MYRIP: variants seen among roughly 807,000 people sequenced by gnomAD.
MYRIP encodes myosin VIIA and Rab interacting protein, also known as rab effector MyRIP.
In MYRIP, 49 loss-of-function variants were observed where a neutral mutation model predicts 98.0. That is an observed-to-expected ratio of 0.50 (90% CI 0.40 to 0.63). MYRIP has a LOEUF of 0.63. Among genes scored for constraint, MYRIP ranks in the 30% least tolerant of loss-of-function variants. MYRIP has a pLI of 0.00. For synonymous variants in MYRIP, 404 were observed against 409.5 expected, an observed-to-expected ratio of 0.99 and a Z score of 0.16; for missense variants, 1,004 against 1,058.2, an observed-to-expected ratio of 0.95 and a Z score of 0.71.
intron 1 of MYRIP, among the ~76,000 whole-genome samples, chr3:39,845,967 C>T (rs975847141): frequency 1.3e-5 from 2 of 152,040 alleles, no homozygotes; most frequent in African/African-American, 4.8e-5. Flanking sequence ...ATGAGATGAC[C>T]TTCCTGCAGT....
At chr3:40,104,724 T>C (rs1195867250) in intron 3 of MYRIP, among the ~76,000 whole-genome samples, 1 of 152,206 alleles carries the variant, frequency 6.6e-6, no homozygotes, top group Non-Finnish European at 1.5e-5. Flanking sequence ...CATACATAAT[T>C]CTGTCACTGA....
intron 1 of MYRIP, among the ~76,000 whole-genome samples, chr3:39,889,513 A>C (rs999760961): frequency 6.6e-6 from 1 of 151,394 alleles, no homozygotes; most frequent in Admixed American, 6.6e-5. Flanking sequence ...GGAACATCAC[A>C]CTCTGGGGAC....
intron 2 of MYRIP, among the ~76,000 whole-genome samples, chr3:40,032,053 C>T (rs1691340154): frequency 6.6e-6 from 1 of 152,004 alleles, no homozygotes; most frequent in Admixed American, 6.6e-5. Context: ...TTTGCTCTTG[C>T]TTTTCTAGTT....
At chr3:39,989,161 A>G (rs892860958) in intron 2 of MYRIP, among the ~76,000 whole-genome samples, 1 of 151,902 alleles carries the variant, frequency 6.6e-6, no homozygotes, top group African/African-American at 2.4e-5. Context: ...TTTGTCTAAT[A>G]TTGATCTTTG....
chr3:40,031,362 C>A (rs1204648521), intron 2 of MYRIP, among the ~76,000 whole-genome samples: 2 of 152,112 alleles, frequency 1.3e-5, no homozygotes, highest in African/African-American at 4.8e-5. Context: ...CAGACCACAG[C>A]AGGGTAAAAG....
chr3:39,944,566 G>A (rs1944858173), intron 2 of MYRIP, among the ~76,000 whole-genome samples: 4 of 152,112 alleles, frequency 2.6e-5, no homozygotes, highest in African/African-American at 9.6e-5. Flanking sequence ...AAAGCACAGA[G>A]CTTTGATATG....
At chr3:39,884,613 C>T (rs1227874322) in intron 1 of MYRIP, among the ~76,000 whole-genome samples, 2 of 152,056 alleles carry the variant, frequency 1.3e-5, no homozygotes, top group East Asian at 3.9e-4. Flanking sequence ...ATAATAGAAA[C>T]ATATATTTTG....
chr3:40,142,809 C>G (rs553767248), intron 3 of MYRIP, among the ~76,000 whole-genome samples: 5 of 152,312 alleles, frequency 3.3e-5, no homozygotes, highest in African/African-American at 9.6e-5. Context: ...ATGGACAGCT[C>G]TGGACAGTTC....
intron 2 of MYRIP, among the ~76,000 whole-genome samples, chr3:39,943,250 T>C (rs905754852): frequency 1.3e-5 from 2 of 152,178 alleles, no homozygotes; most frequent in Admixed American, 1.3e-4. Flanking sequence ...AACACTCTCT[T>C]TTCTGTATTT....
chr3:39,899,851 C>T (rs1323920620), intron 1 of MYRIP, among the ~76,000 whole-genome samples: 8 of 152,154 alleles, frequency 5.3e-5, no homozygotes, highest in East Asian at 3.8e-4. Context: ...GATGGAGTCT[C>T]GCTTTGTCAC....
chr3:39,991,117 C>T (rs1030924720), intron 2 of MYRIP, among the ~76,000 whole-genome samples: 2 of 152,140 alleles, frequency 1.3e-5, no homozygotes, highest in African/African-American at 2.4e-5. Context: ...ACTGCACATT[C>T]TGTATGTGTA....
At chr3:40,137,391 A>C (rs1281821213) in intron 3 of MYRIP, among the ~76,000 whole-genome samples, 1 of 152,250 alleles carries the variant, frequency 6.6e-6, no homozygotes, top group Admixed American at 6.5e-5. Flanking sequence ...GGCAATCATC[A>C]ATAGCTTACC....
At chr3:39,985,930 A>G (rs189190053) in intron 2 of MYRIP, among the ~76,000 whole-genome samples, 8 of 151,926 alleles carry the variant, frequency 5.3e-5, no homozygotes, top group Admixed American at 3.3e-4. Context: ...ACCAAAAGCA[A>G]TGGCAACAAA....
At chr3:40,162,869 G>A (rs772138718) in intron 5 of MYRIP, 59 bp downstream of exon 5, 29 of 1,477,836 alleles carry the variant, frequency 2.0e-5, no homozygotes, top group Non-Finnish European at 2.7e-5. Flanking sequence ...AACACCTACA[G>A]GTACAGGTAC....
chr3:40,121,038 G>T (rs372952759), intron 3 of MYRIP, among the ~76,000 whole-genome samples: 1 of 152,246 alleles, frequency 6.6e-6, no homozygotes, highest in Admixed American at 6.5e-5. Context: ...GAGCCATGGA[G>T]ACCAGCTGAG....
At chr3:39,999,860 G>C (rs1049527692) in intron 2 of MYRIP, among the ~76,000 whole-genome samples, 3 of 152,018 alleles carry the variant, frequency 2.0e-5, no homozygotes, top group African/African-American at 7.2e-5. Flanking sequence ...AAAATGATGA[G>C]TTCATGTCCT....
intron 8 of MYRIP, among the ~76,000 whole-genome samples, chr3:40,172,640 T>G (rs940161537): frequency 6.6e-6 from 1 of 152,170 alleles, no homozygotes; most frequent in Non-Finnish European, 1.5e-5. Flanking sequence ...TTCACTGTGT[T>G]TTGGTCAGCA....
At chr3:39,983,693 G>C (rs1174727945) in intron 2 of MYRIP, among the ~76,000 whole-genome samples, 1 of 152,118 alleles carries the variant, frequency 6.6e-6, no homozygotes, top group East Asian at 1.9e-4. Context: ...CAAATGAAGA[G>C]ATATACAAAG....
chr3:39,912,189 C>A (rs1190833851), intron 2 of MYRIP, among the ~76,000 whole-genome samples: 1 of 152,072 alleles, frequency 6.6e-6, no homozygotes, highest in Non-Finnish European at 1.5e-5. Context: ...GGGCCTAAGA[C>A]TTAGGACCCC....
Sources: allele counts gnomAD v4.1 joint callset (sites outside exome capture counted in the v4.1 genomes callset), GRCh38; gene constraint gnomAD v4.1.1; transcripts MANE v1.5; gene names NCBI Gene and HGNC (gene_info 2026-07-23, HGNC 2026-07-21).